ARHGAP31: variants seen among roughly 807,000 people sequenced by gnomAD.
ARHGAP31 encodes the protein rho GTPase-activating protein 31.
ARHGAP31 carries 34 observed loss-of-function variants against 113.9 expected under a neutral mutation model. That is an observed-to-expected ratio of 0.30 (90% confidence interval 0.23 to 0.40). The LOEUF (loss-of-function observed/expected upper bound fraction) is 0.40, where lower values mean the gene tolerates loss of function less well. ARHGAP31 is among the 10% of genes least tolerant of loss of function. The pLI is 1.00. For synonymous variants in ARHGAP31, 650 were observed against 684.8 expected (o/e 0.95, Z 0.79); for missense variants, 1,548 against 1,767.1 (o/e 0.88, Z 2.22).
chr3:119,313,342 C>T (rs2079699221), intron 1 of ARHGAP31, among the ~76,000 whole-genome samples: 1 of 152,080 alleles, frequency 6.6e-6, no homozygotes, highest in Admixed American at 6.5e-5. Flanking sequence ...ATTTATTTCA[C>T]CATTTCTTTG....
Position 119,368,483 on chromosome 3 carries a change from C to G in ARHGAP31, c.315C>G (p.Pro105=), listed in dbSNP as rs753630792. Residue 105 remains proline (P), a synonymous_variant, in exon 3 of 12, where the codon CCC becomes CCG. Coordinates refer to ENST00000264245, the MANE Select transcript of ARHGAP31 (RefSeq NM_020754.4). ...CKLYFRELPN[P]LLTYELYEKF... ...TCTACTTTAGGGAGCTGCCCAACCC[C>G]CTCCTGACTTATGAGCTCTATGAGA... 1.2e-6 allele frequency: 2 copies of G among 1,614,152 alleles called. No individual in the cohort carries two copies. The highest frequency in any genetic ancestry group is 1.7e-6 in the Non-Finnish European group (2 of 1,180,030).
chr3:119,376,407 T>C (rs2107628316), intron 3 of ARHGAP31, among the ~76,000 whole-genome samples: 1 of 152,222 alleles, frequency 6.6e-6, no homozygotes, highest in South Asian at 2.1e-4. Context: ...GAGAATTGCT[T>C]GAACCTGGAA....
At chr3:119,401,408 G>C (rs1466359775) in intron 9 of ARHGAP31, among the ~76,000 whole-genome samples, 1 of 152,128 alleles carries the variant, frequency 6.6e-6, no homozygotes, top group African/African-American at 2.4e-5. Flanking sequence ...ACAAGATTCT[G>C]TTTATTTTTC....
At chr3:119,388,638 G>A (rs937129948) in intron 6 of ARHGAP31, among the ~76,000 whole-genome samples, 8 of 152,062 alleles carry the variant, frequency 5.3e-5, no homozygotes, top group Admixed American at 1.3e-4. Flanking sequence ...GCTGGGTTCC[G>A]GATGTATTTT....
Position 119,300,216 on chromosome 3 carries a change from T to C in ARHGAP31, c.100+5212T>C, listed in dbSNP as rs892666785. 3.3e-5 allele frequency among the ~76,000 whole-genome samples: 5 copies of C among 152,160 alleles called. 1 individual carries two copies. Among genetic ancestry groups the C allele is most frequent in the African/African-American group, 1.2e-4 (5 of 41,422 alleles). On this transcript the variant is annotated intron_variant, in intron 1 of 11. Transcript: ENST00000264245. Reference sequence around the variant, plus strand: ...AAGATTGATACGAAAATAAATGAGTTAATATGGGTAAAGCACTTAACAGAG... The same window carrying C: ...AAGATTGATACGAAAATAAATGAGTCAATATGGGTAAAGCACTTAACAGAG...
At chr3:119,337,275 T>G (rs569517838) in intron 1 of ARHGAP31, among the ~76,000 whole-genome samples, 3 of 152,312 alleles carry the variant, frequency 2.0e-5, no homozygotes, top group South Asian at 4.1e-4. Context: ...CTTACAGACG[T>G]CAGGAGTGAA....
chr3:119,313,856 G>C (rs917554023), intron 1 of ARHGAP31, among the ~76,000 whole-genome samples: 3 of 152,220 alleles, frequency 2.0e-5, no homozygotes, highest in African/African-American at 7.2e-5. Flanking sequence ...AGATGCTGTA[G>C]CCAGAGTATA....
rs1263839755 is a variant in ARHGAP31 at position 119,415,056 on chromosome 3, G to A, written c.3127G>A (p.Gly1043Arg). 3 of 1,614,194 alleles carry A rather than the reference G, an allele frequency of 1.9e-6. No individual in the cohort carries two copies. Among genetic ancestry groups the A allele is most frequent in the Non-Finnish European group, 2.5e-6 (3 of 1,180,044 alleles). The change falls in exon 12 of 12, where the codon GGA becomes AGA. Residue 1043 changes from glycine (G) to arginine (R), a missense_variant. By Grantham distance (125) the Gly-to-Arg change is moderately radical. Transcript: ENST00000264245. ...AETSPISLAE[G>R]KELGTHLGHS... ...AACCAGCCCCATCAGCCTAGCAGAG[G>A]GAAAGGAGCTAGGGACACACCTGGG... is the stretch of plus-strand genomic sequence containing the variant.
intron 3 of ARHGAP31, among the ~76,000 whole-genome samples, chr3:119,380,194 C>A (rs572735781): frequency 6.6e-6 from 1 of 152,142 alleles, no homozygotes; most frequent in South Asian, 2.1e-4. Context: ...CTTATCCCTG[C>A]CAAGGAAAGC....
intron 1 of ARHGAP31, among the ~76,000 whole-genome samples, chr3:119,344,858 A>T (rs2080040086): frequency 6.6e-6 from 1 of 152,198 alleles, no homozygotes; most frequent in Non-Finnish European, 1.5e-5. Flanking sequence ...AAAGAAACTG[A>T]ACCTGGTAGG....
At chr3:119,337,087 T>C (rs1464524535) in intron 1 of ARHGAP31, among the ~76,000 whole-genome samples, 2 of 152,230 alleles carry the variant, frequency 1.3e-5, no homozygotes, top group Non-Finnish European at 1.5e-5. Flanking sequence ...ACTTTTTGGC[T>C]GTTGTGAATA....
chr3:119,299,703 GAT>G (rs1203346947), intron 1 of ARHGAP31, among the ~76,000 whole-genome samples: 1 of 152,204 alleles, frequency 6.6e-6, no homozygotes, highest in African/African-American at 2.4e-5. Flanking sequence ...CAGTCTAAGG[GAT>G]ATGAACAAAC....
chr3:119,402,194 G>C lies in ARHGAP31; in HGVS notation c.1442G>C (p.Arg481Pro). 6.2e-7 allele frequency: 1 copy of C among 1,614,266 alleles called. No individual in the cohort carries two copies. The highest frequency in any genetic ancestry group is 1.1e-5 in the South Asian group (1 of 91,088). ...ATGGAGCCCTCGCCGCGTAACCAGCGCAAGGCGCTGAACATCTCCGAGCCC... is the reference window on the plus strand; with the variant it reads ...ATGGAGCCCTCGCCGCGTAACCAGCCCAAGGCGCTGAACATCTCCGAGCCC... ...FQMEPSPRNQRKALNISEPFA... is the reference protein window; with the variant it reads ...FQMEPSPRNQPKALNISEPFA... Residue 481 changes from arginine to proline, a missense_variant, in exon 10 of 12, where the codon CGC (arginine) becomes CCC (proline). Arg to Pro is a moderately radical substitution (Grantham distance 103). Transcript: ENST00000264245.
intron 3 of ARHGAP31, among the ~76,000 whole-genome samples, chr3:119,374,666 G>T (rs2080332274): frequency 6.6e-6 from 1 of 151,710 alleles, no homozygotes; most frequent in African/African-American, 2.4e-5. Context: ...TTCCCCCTTA[G>T]CTCTCTCTCT....
Position 119,415,182 on chromosome 3 carries a change from C to T in ARHGAP31, c.3253C>T (p.Pro1085Ser). Residue 1085 changes from proline (P) to serine (S), a missense_variant, in exon 12 of 12, where the codon CCC becomes TCC. Pro to Ser is a moderately conservative substitution (Grantham distance 74). Coordinates refer to ENST00000264245, the MANE Select transcript of ARHGAP31 (RefSeq NM_020754.4). ...VQDSTSPGEHPAKLQLKSTEC... is the reference protein window; with the variant it reads ...VQDSTSPGEHSAKLQLKSTEC... ...GGACAGCACTTCGCCTGGAGAGCACCCCGCAAAGTTACAGCTAAAGAGCAC... is the reference window on the plus strand; with the variant it reads ...GGACAGCACTTCGCCTGGAGAGCACTCCGCAAAGTTACAGCTAAAGAGCAC... The T allele has an allele frequency of 1.2e-6, 2 of 1,614,158 alleles. No homozygotes were observed. Among genetic ancestry groups the T allele is most frequent in the South Asian group, 1.1e-5 (1 of 91,082 alleles).
In ARHGAP31 at chr3:119,402,714, A is replaced by G. The variant is rs368846419; in HGVS notation, c.1645+317A>G. 1.3e-4 allele frequency among the ~76,000 whole-genome samples: 20 copies of G among 152,366 alleles called. No homozygotes were observed. In the East Asian group the frequency reaches 3.9e-3, roughly 29 times the overall value. On this transcript the variant is annotated intron_variant, in intron 10 of 11. Transcript: ENST00000264245. ...AGTGTCTACATACAATAAGTATATA[A>G]TAAATATTACCTATTATTATTTTAT...
intron 1 of ARHGAP31, among the ~76,000 whole-genome samples, chr3:119,330,824 T>G (rs925801538): frequency 2.0e-5 from 3 of 152,240 alleles, no homozygotes; most frequent in African/African-American, 7.2e-5. Context: ...AGTAGACTGT[T>G]ACATACACAT....
chr3:119,394,194 C>T (rs2080528180), intron 8 of ARHGAP31, among the ~76,000 whole-genome samples: 1 of 152,218 alleles, frequency 6.6e-6, no homozygotes, highest in African/African-American at 2.4e-5. Context: ...ATGTCAATAT[C>T]TTATTGCGTG....
chr3:119,317,838 GT>G (rs753532168), intron 1 of ARHGAP31, among the ~76,000 whole-genome samples: 1 of 152,182 alleles, frequency 6.6e-6, no homozygotes, highest in African/African-American at 2.4e-5. Flanking sequence ...CTAAGCCTCA[GT>G]TTGCTTATCT....
Sources: gnomAD v4.1 joint callset for allele counts (sites outside exome capture counted in the v4.1 genomes callset) on GRCh38, gnomAD v4.1.1 for gene constraint, MANE v1.5 for transcripts, NCBI Gene and HGNC (gene_info 2026-07-23, HGNC 2026-07-21) for gene names.